The following ANO6 variants were observed in gnomAD, a reference collection of about 807,000 sequenced individuals.
The protein encoded by ANO6 is anoctamin 6, also known as anoctamin-6.
Under a neutral mutation model 117.5 loss-of-function variants are expected in ANO6, and 106 were observed. The ratio of observed to expected loss-of-function variants is 0.90; its 90% CI spans 0.77 to 1.06. The LOEUF (loss-of-function observed/expected upper bound fraction) is 1.06. Ranked by LOEUF, ANO6 falls within the 50% of genes least tolerant of loss-of-function variation. The pLI, the probability that ANO6 is intolerant of heterozygous loss-of-function variation, is 0.00. For missense variants in ANO6, 955 were observed against 1,121.1 expected, an observed-to-expected ratio of 0.85 and a Z score of 2.12; for synonymous variants, 367 against 385.1, an observed-to-expected ratio of 0.95 and a Z score of 0.55.
At chr12:45,218,569 T>C (rs552449685) in intron 1 of ANO6, among the ~76,000 whole-genome samples, 1 of 152,126 alleles carries the variant, frequency 6.6e-6, no homozygotes, top group African/African-American at 2.4e-5. Context: ...TGGTTGTTTT[T>C]TTGGAAGTAC....
chr12:45,421,175 G>A lies in ANO6; in HGVS notation c.2322G>A (p.Gly774=), dbSNP rs376752415. 1.2e-6 allele frequency: 2 copies of A among 1,614,112 alleles called. No individual in the cohort carries two copies. The highest frequency in any genetic ancestry group is 1.1e-5 in the South Asian group (1 of 91,080). ...ACCACACTTCCTACACCATGGAAGG[G>A]TACATCAACAACACTCTCTCCATCT... is the stretch of plus-strand genomic sequence containing the variant. ...YGDHTSYTME[G]YINNTLSIFK... The change falls in exon 18 of 20, where the codon GGG becomes GGA. Residue 774 remains glycine (G), a synonymous_variant. Transcript: ENST00000320560.
intron 16 of ANO6, 88 bp from the exon 17 acceptor site, chr12:45,416,611 C>A: frequency 8.2e-7 from 1 of 1,217,940 alleles, no homozygotes; most frequent in Non-Finnish European, 1.2e-6. Flanking sequence ...GGATTTAGTT[C>A]GTTTGCCTTT....
At position 45,407,483 on chromosome 12, in the gene ANO6, C is replaced by CA. The variant is rs1942969317; in HGVS notation, c.1881-1874_1881-1873insA. Among the ~76,000 whole-genome samples the CA allele has an allele frequency of 2.2e-3, 6 of 2,788 alleles. 1 individual carries two copies. Among genetic ancestry groups the CA allele is most frequent in the Admixed American group, 7.7e-3 (3 of 392 alleles). 1.8% of individuals were successfully genotyped at this position (2,788 alleles called of 152,430 possible). ...GTGGTCCTTGGTGCTACCTGAGTCA[C>CA]CCCCCCCCCCCCCCCCGGAATGACT... On this transcript the variant is annotated intron_variant, in intron 15 of 19. Transcript: ENST00000320560.
chr12:45,385,698 T>G (rs540960242), intron 10 of ANO6, among the ~76,000 whole-genome samples: 1 of 152,284 alleles, frequency 6.6e-6, no homozygotes, highest in East Asian at 1.9e-4. Context: ...AAGCCAATAC[T>G]CACTTCATTT....
At chr12:45,309,151 A>G (rs558785104) in intron 2 of ANO6, among the ~76,000 whole-genome samples, 58 of 152,046 alleles carry the variant, frequency 3.8e-4, no homozygotes, top group Non-Finnish European at 6.3e-4. Flanking sequence ...TAGTGCATGA[A>G]AGGGAGAAGG....
intron 1 of ANO6, among the ~76,000 whole-genome samples, chr12:45,293,242 G>A (rs914271059): frequency 6.6e-5 from 10 of 152,114 alleles, no homozygotes; most frequent in Admixed American, 4.6e-4. Flanking sequence ...CATTTATTGA[G>A]CATCTATAAT....
At chr12:45,289,065 TAC>T (rs1214634178) in intron 1 of ANO6, among the ~76,000 whole-genome samples, 1 of 152,024 alleles carries the variant, frequency 6.6e-6, no homozygotes, top group Non-Finnish European at 1.5e-5. Flanking sequence ...TTGCATTATA[TAC>T]AGTCATATAG....
chr12:45,367,843 T>C, intron 9 of ANO6, 50 bp downstream of exon 9: 1 of 1,331,790 alleles, frequency 7.5e-7, no homozygotes, highest in Non-Finnish European at 1.1e-6. Flanking sequence ...ATTTTTTTTC[T>C]AATGCTAATT....
At chr12:45,428,084 T>TCCCACTCTATGTCCCA (rs1360594661) in intron 19 of ANO6, among the ~76,000 whole-genome samples, 31 of 151,786 alleles carry the variant, frequency 2.0e-4, no homozygotes, top group Admixed American at 3.3e-4. Context: ...TGACATAGAG[T>TCCCACTCTATGTCCCA]CTCAGCAGTC....
intron 2 of ANO6, among the ~76,000 whole-genome samples, chr12:45,323,958 A>G (rs1940374692): frequency 1.9e-5 from 2 of 104,182 alleles, no homozygotes; most frequent in South Asian, 2.8e-4. Context: ...TTTTTTTGAG[A>G]CAGAATTTTG....
At chr12:45,387,923 C>T (rs994982419) in intron 10 of ANO6, among the ~76,000 whole-genome samples, 5 of 152,090 alleles carry the variant, frequency 3.3e-5, no homozygotes, top group Non-Finnish European at 7.4e-5. Flanking sequence ...CCATGTAAGA[C>T]GTGTTTTGCT....
chr12:45,311,633 T>A (rs1303516184), intron 2 of ANO6, among the ~76,000 whole-genome samples: 1 of 152,034 alleles, frequency 6.6e-6, no homozygotes, highest in Non-Finnish European at 1.5e-5. Flanking sequence ...GACCCATGAA[T>A]AGAAGGTATA....
intron 1 of ANO6, chr12:45,228,251 C>T: frequency 7.1e-6 from 3 of 423,760 alleles, no homozygotes; most frequent in South Asian, 1.7e-5. Flanking sequence ...TTACCTCAAC[C>T]TCCTGCGTAT....
intron 1 of ANO6, among the ~76,000 whole-genome samples, chr12:45,238,766 G>T (rs1302462766): frequency 4.6e-5 from 7 of 152,074 alleles, no homozygotes; most frequent in Admixed American, 4.6e-4. Context: ...GTTGAATTTT[G>T]TTGAAGGCCT....
At chr12:45,240,639 A>G (rs551602433) in intron 1 of ANO6, among the ~76,000 whole-genome samples, 3 of 152,094 alleles carry the variant, frequency 2.0e-5, no homozygotes, top group Admixed American at 2.0e-4. Flanking sequence ...CACTTTCTTC[A>G]TAGCATTGAT....
intron 18 of ANO6, among the ~76,000 whole-genome samples, chr12:45,421,692 C>T (rs541046769): frequency 1.4e-3 from 212 of 152,270 alleles, no homozygotes; most frequent in Non-Finnish European, 2.6e-3. Context: ...GTTATTCAAG[C>T]ACAATCTGAA....
At position 45,241,679 on chromosome 12, in the gene ANO6, C is replaced by G. The variant is rs1384311389; in HGVS notation, c.70+25288C>G. On this transcript the variant is annotated intron_variant, in intron 1 of 19. Coordinates refer to ENST00000320560, the MANE Select transcript of ANO6 (RefSeq NM_001025356.3). ...CTTTTCTGCTCTGGTTTCTTCCCAT[C>G]TTTGTGGTTTTATCTACCTTTGGTC... Among the ~76,000 whole-genome samples the G allele has an allele frequency of 2.0e-5, 3 of 152,194 alleles. No homozygotes were observed. In the East Asian group the frequency reaches 5.8e-4, roughly 29 times the overall value.
chr12:45,323,340 G>A (rs751569713), intron 2 of ANO6, among the ~76,000 whole-genome samples: 60 of 152,272 alleles, frequency 3.9e-4, no homozygotes, highest in Middle Eastern at 3.4e-3. Flanking sequence ...CATGTTAGAA[G>A]CAGCAGGTAA....
intron 9 of ANO6, among the ~76,000 whole-genome samples, chr12:45,372,571 A>G (rs1205020492): frequency 2.1e-5 from 3 of 145,954 alleles, no homozygotes; most frequent in East Asian, 4.0e-4. Context: ...ATTCTTAAAG[A>G]AAAGAATTTT....
Sources: gnomAD v4.1 joint callset for allele counts (sites outside exome capture counted in the v4.1 genomes callset) on GRCh38, gnomAD v4.1.1 for gene constraint, MANE v1.5 for transcripts, NCBI Gene and HGNC (gene_info 2026-07-23, HGNC 2026-07-21) for gene names.